The following GALNT2 variants were observed in gnomAD, a reference collection of about 807,000 sequenced individuals.
GALNT2 encodes polypeptide N-acetylgalactosaminyltransferase 2, also known as UDP-GalNAc:polypeptide N-acetylgalactosaminyltransferase 2.
In GALNT2, 31 loss-of-function variants were observed where a neutral mutation model predicts 81.4. The ratio of observed to expected loss-of-function variants is 0.38; its 90% CI spans 0.29 to 0.51. The LOEUF is 0.51. Among genes scored for constraint, GALNT2 ranks in the 20% least tolerant of loss-of-function variants. The pLI is 0.87. For synonymous variants in GALNT2, 303 were observed against 287.4 expected (o/e 1.05, Z -0.55); for missense variants, 629 against 765.7 (o/e 0.82, Z 2.11).
chr1:230,086,343 G>A (rs1659897983), intron 1 of GALNT2, among the ~76,000 whole-genome samples: 1 of 152,172 alleles, frequency 6.6e-6, no homozygotes, highest in Non-Finnish European at 1.5e-5. Context: ...ACCCAGCAGA[G>A]CACCTCCTGG....
intron 15 of GALNT2, among the ~76,000 whole-genome samples, chr1:230,277,612 G>A (rs1572168325): frequency 6.6e-6 from 1 of 152,238 alleles, no homozygotes; most frequent in South Asian, 2.1e-4. Flanking sequence ...TGATTGCACT[G>A]TCTTTCCCTG....
At chr1:230,190,668 C>T (rs1663493542) in intron 2 of GALNT2, among the ~76,000 whole-genome samples, 1 of 152,088 alleles carries the variant, frequency 6.6e-6, no homozygotes, top group African/African-American at 2.4e-5. Context: ...GAAACGGGGC[C>T]TTTTTCTATG....
At chr1:230,172,037 TTTA>T (rs1002832305) in intron 1 of GALNT2, among the ~76,000 whole-genome samples, 1 of 152,202 alleles carries the variant, frequency 6.6e-6, no homozygotes, top group Non-Finnish European at 1.5e-5. Flanking sequence ...ACCAATTTTT[TTTA>T]TTATCCTCCT....
chr1:230,191,757 T>C (rs1041022271), intron 2 of GALNT2, among the ~76,000 whole-genome samples: 2 of 152,226 alleles, frequency 1.3e-5, no homozygotes, highest in Non-Finnish European at 2.9e-5. Flanking sequence ...AAGTGATCCC[T>C]ATTCCTTGGC....
intron 14 of GALNT2, among the ~76,000 whole-genome samples, chr1:230,267,414 C>T (rs1291013315): frequency 4.6e-5 from 7 of 152,206 alleles, no homozygotes; most frequent in African/African-American, 1.4e-4. Flanking sequence ...TCCGGCTGCC[C>T]TCACCTCCAT....
intron 1 of GALNT2, among the ~76,000 whole-genome samples, chr1:230,161,890 TC>T (rs1662447694): frequency 1.3e-5 from 2 of 152,340 alleles, no homozygotes; most frequent in South Asian, 2.1e-4. Context: ...GACCACAGCA[TC>T]TTTACTTGGT....
At chr1:230,263,204 G>A (rs1176053450) in intron 13 of GALNT2, 199 bp downstream of exon 13, 2 of 577,266 alleles carry the variant, frequency 3.5e-6, no homozygotes, top group South Asian at 2.1e-5. Context: ...TCTCTGTCCT[G>A]CAGAGCTGCC....
At chr1:230,115,006 C>CTTTTTT (rs10666711) in intron 1 of GALNT2, among the ~76,000 whole-genome samples, 7 of 129,310 alleles carry the variant, frequency 5.4e-5, no homozygotes, top group East Asian at 2.3e-4. Flanking sequence ...AGGGTTCACT[C>CTTTTTT]TTTTTTTTTT....
chr1:230,159,160 C>T lies in GALNT2; in HGVS notation c.127-19058C>T, dbSNP rs140838016. 2.4e-4 allele frequency among the ~76,000 whole-genome samples: 36 copies of T among 152,302 alleles called. No homozygotes were observed. The East Asian group carries it at 6.6e-3, about 28-fold the overall frequency. On this transcript the variant is annotated intron_variant, in intron 1 of 15. Transcript: ENST00000366672. Reference sequence around the variant, plus strand: ...GAGTTTACCCAGCCGTGGGAAAGGACGCTGTACCCCTGCCCTATTGGCTGC... The same window carrying T: ...GAGTTTACCCAGCCGTGGGAAAGGATGCTGTACCCCTGCCCTATTGGCTGC...
At position 230,257,899 on chromosome 1, in the gene GALNT2, A is replaced by T. The variant is rs917865358; in HGVS notation, c.1136+2555A>T. Among the ~76,000 whole-genome samples, 9 of 151,992 alleles carry T rather than the reference A, an allele frequency of 5.9e-5. No individual in the cohort carries two copies. The highest frequency in any genetic ancestry group is 2.2e-4 in the African/African-American group (9 of 41,376). On this transcript the variant is annotated intron_variant, in intron 11 of 15. Coordinates refer to ENST00000366672, the MANE Select transcript of GALNT2 (RefSeq NM_004481.5). The surrounding 1 kb of genome is among the most constrained non-coding windows in gnomAD (Gnocchi z 4.6). ...CCTTGGGGTGGGTGTGGGTGTGGGG[A>T]TTGCTAGCTTATCTTTTGTCTAGTT...
upstream of GALNT2, chr1:230,057,922 G>A (rs926368836): frequency 3.3e-5 from 14 of 419,786 alleles, no homozygotes; most frequent in East Asian, 2.2e-4. Context: ...GGTAAGTGTC[G>A]TCCGGGGCTA....
intron 1 of GALNT2, among the ~76,000 whole-genome samples, chr1:230,151,425 C>A (rs142458263): frequency 2.6e-5 from 4 of 152,336 alleles, no homozygotes; most frequent in African/African-American, 7.2e-5. Context: ...TGTAAGGTGG[C>A]TTTGGGGCAC....
At chr1:230,088,923 T>G (rs1021307768) in intron 1 of GALNT2, among the ~76,000 whole-genome samples, 1 of 152,108 alleles carries the variant, frequency 6.6e-6, no homozygotes, top group Non-Finnish European at 1.5e-5. Context: ...ATCTCCCCAG[T>G]CCCTGGCAAC....
chr1:230,171,167 C>G (rs989858459), intron 1 of GALNT2, among the ~76,000 whole-genome samples: 1 of 152,208 alleles, frequency 6.6e-6, no homozygotes, highest in African/African-American at 2.4e-5. Context: ...TTCTGCTTCT[C>G]CCATGGGTCA....
chr1:230,154,041 C>G (rs1662171100), intron 1 of GALNT2, among the ~76,000 whole-genome samples: 1 of 152,236 alleles, frequency 6.6e-6, no homozygotes, highest in Non-Finnish European at 1.5e-5. Context: ...AATAATAAGT[C>G]TCTGTCAGAT....
intron 3 of GALNT2, among the ~76,000 whole-genome samples, chr1:230,208,924 A>G (rs553976761): frequency 1.7e-4 from 26 of 152,124 alleles, no homozygotes; most frequent in Middle Eastern, 3.4e-3. Flanking sequence ...CCAGGGCCCA[A>G]TGAAGCCACA....
chr1:230,265,156 C>CA (rs1290370278), intron 13 of GALNT2, 85 bp from the exon 14 acceptor site: 3 of 1,580,772 alleles, frequency 1.9e-6, no homozygotes, highest in Non-Finnish European at 2.6e-6. Context: ...TGTCACCTGT[C>CA]ATGAGGCCAC....
intron 6 of GALNT2, among the ~76,000 whole-genome samples, chr1:230,242,191 G>A (rs1362228994): frequency 2.6e-5 from 4 of 152,116 alleles, no homozygotes; most frequent in Non-Finnish European, 5.9e-5. Context: ...CTTATTTTAA[G>A]GGGTTGGATC....
Position 230,152,444 on chromosome 1 carries a change from A to T in GALNT2, c.127-25774A>T, listed in dbSNP as rs543449327. 1.4e-4 allele frequency among the ~76,000 whole-genome samples: 22 copies of T among 152,352 alleles called. No individual in the cohort carries two copies. In the South Asian group the frequency reaches 4.3e-3, roughly 30 times the overall value. On this transcript the variant is annotated intron_variant, in intron 1 of 15. Coordinates refer to ENST00000366672, the MANE Select transcript of GALNT2 (RefSeq NM_004481.5). Reference sequence around the variant, plus strand: ...ATAGAGGAGAATAACATCAGTATTCATGATGAATAATTAAATAGAAAATAC... The same window carrying T: ...ATAGAGGAGAATAACATCAGTATTCTTGATGAATAATTAAATAGAAAATAC...
Sources: gnomAD v4.1 joint callset for allele counts (sites outside exome capture counted in the v4.1 genomes callset) on GRCh38, gnomAD v4.1.1 for gene constraint, Gnocchi (gnomAD v3.1) non-coding constraint, MANE v1.5 for transcripts, NCBI Gene and HGNC (gene_info 2026-07-23, HGNC 2026-07-21) for gene names.